The following ZFYVE28 variants were observed in gnomAD, a reference collection of about 807,000 sequenced individuals.
ZFYVE28 encodes lateral signaling target protein 2 homolog.
ZFYVE28 carries 40 observed loss-of-function variants against 82.1 expected under a neutral mutation model. That is an observed-to-expected ratio of 0.49 (90% CI 0.38 to 0.63). The LOEUF (loss-of-function observed/expected upper bound fraction) is 0.63. Ranked by LOEUF, ZFYVE28 falls within the 30% of genes least tolerant of loss-of-function variation. The pLI is 0.00. For synonymous variants in ZFYVE28, 612 were observed against 546.1 expected (o/e 1.12, Z -1.68); for missense variants, 1,321 against 1,242.1 (o/e 1.06, Z -0.96).
chr4:2,348,382 A>C (rs1290276016), intron 2 of ZFYVE28, among the ~76,000 whole-genome samples: 2 of 152,238 alleles, frequency 1.3e-5, no homozygotes, highest in Non-Finnish European at 2.9e-5. Flanking sequence ...AACATTTAAG[A>C]AGAACTAACA....
At chr4:2,306,112 T>C (rs919561749) in intron 7 of ZFYVE28, among the ~76,000 whole-genome samples, 1 of 152,222 alleles carries the variant, frequency 6.6e-6, no homozygotes, top group Non-Finnish European at 1.5e-5. Flanking sequence ...TGAAGGAGGG[T>C]GCAGCAGGGC....
chr4:2,336,887 A>G (rs1425773780), intron 5 of ZFYVE28, among the ~76,000 whole-genome samples: 5 of 57,108 alleles, frequency 8.8e-5, no homozygotes, highest in African/African-American at 1.7e-4. Flanking sequence ...AAGAGTGAGG[A>G]GGTGAGGTGA....
intron 1 of ZFYVE28, among the ~76,000 whole-genome samples, chr4:2,397,169 C>T (rs183201780): frequency 7.9e-5 from 12 of 152,266 alleles, no homozygotes; most frequent in African/African-American, 2.6e-4. Context: ...TACAACTCAG[C>T]GGCATTAAAT....
At chr4:2,383,412 G>A (rs1728926584) in intron 1 of ZFYVE28, among the ~76,000 whole-genome samples, 6 of 152,050 alleles carry the variant, frequency 3.9e-5, no homozygotes, top group African/African-American at 2.4e-5. Flanking sequence ...TTTGCCTTCC[G>A]CCATGATTCT....
chr4:2,411,272 A>G (rs1167671303), intron 1 of ZFYVE28, among the ~76,000 whole-genome samples: 5 of 152,194 alleles, frequency 3.3e-5, no homozygotes, highest in Non-Finnish European at 7.3e-5. Flanking sequence ...TCCAGCAGGA[A>G]AACAATGAGA....
At chr4:2,415,727 G>A (rs901754996) in intron 1 of ZFYVE28, among the ~76,000 whole-genome samples, 3 of 152,178 alleles carry the variant, frequency 2.0e-5, no homozygotes, top group Admixed American at 6.5e-5. Context: ...AATTAGACAG[G>A]AAGGGGAAGC....
At chr4:2,368,867 A>T (rs370349558) in intron 1 of ZFYVE28, among the ~76,000 whole-genome samples, 4 of 152,186 alleles carry the variant, frequency 2.6e-5, no homozygotes. Context: ...TCTGTGTTTA[A>T]CTTTTTGAGC....
chr4:2,294,936 C>T lies in ZFYVE28; in HGVS notation c.2051+9353G>A, dbSNP rs887683595. On this transcript the variant is annotated intron_variant, in intron 8 of 12. Transcript: ENST00000290974. ...TTCAAGGCCAGCCTGGGCAACATAG[C>T]GAGACCCTGTCTCTAAAAAATTACT... Among the ~76,000 whole-genome samples the T allele has an allele frequency of 8.0e-5, 12 of 150,210 alleles. 1 individual carries two copies. Among genetic ancestry groups the T allele is most frequent in the East Asian group, 5.8e-4 (3 of 5,158 alleles).
At chr4:2,367,023 A>G (rs2108900147) in intron 1 of ZFYVE28, among the ~76,000 whole-genome samples, 1 of 152,376 alleles carries the variant, frequency 6.6e-6, no homozygotes, top group East Asian at 1.9e-4. Flanking sequence ...TACTGCCTAT[A>G]CAAATGATGT....
Position 2,372,771 on chromosome 4 carries a change from G to A in ZFYVE28, c.40-18698C>T, listed in dbSNP as rs3128803. Among the ~76,000 whole-genome samples, 101,518 of 151,926 alleles carry A rather than the reference G, an allele frequency of 0.67. 34,243 individuals are homozygous for A. Among genetic ancestry groups the A allele is most frequent in the East Asian group, 0.8 (4,116 of 5,160 alleles). ...GTTGGGGCTCATGATGGCAGAGCCA[G>A]CTGCCTCCCTGGACCAAGGATGCTG... On this transcript the variant is annotated intron_variant, in intron 1 of 12. Transcript: ENST00000290974. This position sits in a 1 kb window ranked among gnomAD's most constrained non-coding sequence, Gnocchi z 5.2.
intron 1 of ZFYVE28, among the ~76,000 whole-genome samples, chr4:2,407,552 CCT>C (rs33954143): frequency 0.021 from 3,156 of 152,196 alleles, 83 homozygotes; most frequent in African/African-American, 0.066. Context: ...CCTCTCTCCC[CCT>C]GTTTTCGCTC....
chr4:2,319,473 G>C (rs566701920), intron 7 of ZFYVE28, among the ~76,000 whole-genome samples: 110 of 152,212 alleles, frequency 7.2e-4, no homozygotes, highest in Non-Finnish European at 1.3e-3. Flanking sequence ...TCATGGGGCA[G>C]AGTTCTAGGC....
chr4:2,374,081 G>A (rs1578300697), intron 1 of ZFYVE28, among the ~76,000 whole-genome samples: 2 of 152,304 alleles, frequency 1.3e-5, no homozygotes, highest in African/African-American at 4.8e-5. Flanking sequence ...TCCTCACTCT[G>A]AACAGCAAAA....
rs551462864 is a variant in ZFYVE28 at position 2,316,846 on chromosome 4, C to G, written c.803+3324G>C. On this transcript the variant is annotated intron_variant, in intron 7 of 12. Coordinates refer to ENST00000290974, the MANE Select transcript of ZFYVE28 (RefSeq NM_020972.3). Reference sequence around the variant, plus strand: ...TAGCTGGGACTACAGGTGCGCACCACCATGCCTGGCTGATTTTTTATATTT... The same window carrying G: ...TAGCTGGGACTACAGGTGCGCACCAGCATGCCTGGCTGATTTTTTATATTT... 1.2e-3 allele frequency among the ~76,000 whole-genome samples: 178 copies of G among 152,106 alleles called. 2 individuals are homozygous for G. The highest frequency in any genetic ancestry group is 3.2e-4 in the Non-Finnish European group (22 of 68,022).
At chr4:2,353,871 G>A (rs1381008380) in intron 2 of ZFYVE28, 62 bp downstream of exon 2, 3 of 1,380,046 alleles carry the variant, frequency 2.2e-6, no homozygotes, top group Non-Finnish European at 2.8e-6. Context: ...GGTCTACTGA[G>A]GACAGGCCAC....
At position 2,377,350 on chromosome 4, in the gene ZFYVE28, G is replaced by A. The variant is rs1456873269; in HGVS notation, c.40-23277C>T. ...GGCTTTACTTTTATCTCTATTTTAG[G>A]ACACACATAATTTCTTAAACAATTA... On this transcript the variant is annotated intron_variant, in intron 1 of 12. Transcript: ENST00000290974. Among the ~76,000 whole-genome samples, 3 of 152,260 alleles carry A rather than the reference G, an allele frequency of 2.0e-5. No individual in the cohort carries two copies. In the East Asian group the frequency reaches 5.8e-4, roughly 29 times the overall value.
chr4:2,304,093 C>T (rs1716085479), intron 8 of ZFYVE28, among the ~76,000 whole-genome samples, 196 bp downstream of exon 8: 1 of 152,252 alleles, frequency 6.6e-6, no homozygotes, highest in South Asian at 2.1e-4. Flanking sequence ...TGACGCCCCA[C>T]AGGGCAGGTG....
Position 2,298,058 on chromosome 4 carries a change from G to C in ZFYVE28, c.2051+6231C>G, listed in dbSNP as rs555221395. The stretch of plus-strand genomic sequence containing the variant: ...GACATGGTGACACAGTGACACGGCA[G>C]GCTGTGCTGTGAGGAACGGCAGAGG... On this transcript the variant is annotated intron_variant, in intron 8 of 12. Coordinates refer to ENST00000290974, the MANE Select transcript of ZFYVE28 (RefSeq NM_020972.3). Among the ~76,000 whole-genome samples the C allele has an allele frequency of 1.0e-4, 15 of 148,372 alleles. No homozygotes were observed. The East Asian group carries it at 3.0e-3, about 30-fold the overall frequency.
At chr4:2,276,550 G>A (rs561728334) in intron 8 of ZFYVE28, among the ~76,000 whole-genome samples, 6 of 152,186 alleles carry the variant, frequency 3.9e-5, no homozygotes, top group Non-Finnish European at 7.3e-5. Context: ...AGAGACGGCA[G>A]CAACTCAGGT....
Sources: allele counts gnomAD v4.1 joint callset (sites outside exome capture counted in the v4.1 genomes callset), GRCh38; gene constraint gnomAD v4.1.1; non-coding constraint Gnocchi (gnomAD v3.1); transcripts MANE v1.5; gene names NCBI Gene and HGNC (gene_info 2026-07-23, HGNC 2026-07-21).